The following CLVS1 variants were observed in gnomAD, a reference collection of about 807,000 sequenced individuals.
CLVS1 encodes the protein clavesin 1.
Under a neutral mutation model 33.1 loss-of-function variants are expected in CLVS1, and 10 were observed. That is an observed-to-expected ratio of 0.30 (90% CI 0.19 to 0.51). The LOEUF (loss-of-function observed/expected upper bound fraction) is 0.51, where lower values mean the gene tolerates loss of function less well. Among genes scored for constraint, CLVS1 ranks in the 20% least tolerant of loss-of-function variants. The probability of loss-of-function intolerance (pLI) is 0.97; values close to 1 mark genes in which losing one functional copy is unlikely to be tolerated. For missense variants in CLVS1, 343 were observed against 433.4 expected (o/e 0.79, Z 1.85); for synonymous variants, 163 against 166.1 (o/e 0.98, Z 0.14).
chr8:61,210,802 C>T (rs753053596), intron 2 of CLVS1, among the ~76,000 whole-genome samples: 4 of 152,144 alleles, frequency 2.6e-5, no homozygotes, highest in Non-Finnish European at 4.4e-5. Flanking sequence ...ACAGGTAACA[C>T]TAGGACTGGA....
intron 2 of CLVS1, among the ~76,000 whole-genome samples, chr8:61,310,181 T>C (rs187584693): frequency 1.3e-5 from 2 of 152,344 alleles, no homozygotes; most frequent in Admixed American, 1.3e-4. Context: ...TGAATCTTTC[T>C]GGTGATGATC....
intron 2 of CLVS1, among the ~76,000 whole-genome samples, chr8:61,330,109 A>T (rs80008501): frequency 6.6e-6 from 1 of 152,122 alleles, no homozygotes; most frequent in Non-Finnish European, 1.5e-5. Context: ...CCCTGCCCAG[A>T]TGATCCCAAT....
At chr8:61,496,038 A>C (rs76116426) in intron 5 of CLVS1, among the ~76,000 whole-genome samples, 2 of 152,176 alleles carry the variant, frequency 1.3e-5, no homozygotes, top group Non-Finnish European at 2.9e-5. Flanking sequence ...GCTGAGTTCA[A>C]TGTAAGGAAG....
chr8:61,061,201 T>G (rs772791170), intron 1 of CLVS1, among the ~76,000 whole-genome samples: 1 of 152,164 alleles, frequency 6.6e-6, no homozygotes, highest in Non-Finnish European at 1.5e-5. Context: ...TAGAACCCAG[T>G]TCCCGACTTT....
At chr8:61,309,788 G>A (rs551805611) in intron 2 of CLVS1, among the ~76,000 whole-genome samples, 1 of 152,362 alleles carries the variant, frequency 6.6e-6, no homozygotes, top group East Asian at 1.9e-4. Context: ...TGATTTGGCA[G>A]TGGGAGATGA....
At chr8:61,419,171 A>G (rs1231986721) in intron 3 of CLVS1, among the ~76,000 whole-genome samples, 1 of 152,052 alleles carries the variant, frequency 6.6e-6, no homozygotes, top group Non-Finnish European at 1.5e-5. Flanking sequence ...AGCCGAGGCG[A>G]ATGGATCATG....
At chr8:61,093,643 G>A (rs1457084748) in intron 1 of CLVS1, among the ~76,000 whole-genome samples, 2 of 152,164 alleles carry the variant, frequency 1.3e-5, no homozygotes, top group Non-Finnish European at 2.9e-5. Flanking sequence ...CTAGTGAAAA[G>A]GCTTGGTGAA....
At chr8:61,044,688 C>G in the CLVS1 span, among the ~76,000 whole-genome samples, 1 of 152,280 alleles carries the variant, frequency 6.6e-6, no homozygotes, top group South Asian at 2.1e-4. Flanking sequence ...ACTATAGCCC[C>G]TCTTGTGGTC....
chr8:61,082,049 C>T (rs1468610838), intron 1 of CLVS1, among the ~76,000 whole-genome samples: 1 of 151,982 alleles, frequency 6.6e-6, no homozygotes, highest in Non-Finnish European at 1.5e-5. Context: ...ACGGTAAGGG[C>T]TCTAATTGAA....
At chr8:61,111,251 CAT>C (rs770918786) in intron 1 of CLVS1, among the ~76,000 whole-genome samples, 32 of 152,026 alleles carry the variant, frequency 2.1e-4, no homozygotes, top group Non-Finnish European at 3.4e-4. Context: ...AATTCACAAA[CAT>C]AAAAAATCAA....
intron 3 of CLVS1, among the ~76,000 whole-genome samples, chr8:61,407,047 A>C (rs1815020678): frequency 6.6e-6 from 1 of 152,252 alleles, no homozygotes; most frequent in Non-Finnish European, 1.5e-5. Context: ...GATTTATCTT[A>C]GACACAGATC....
chr8:60,982,765 C>T, the CLVS1 span, among the ~76,000 whole-genome samples: 288 of 152,256 alleles, frequency 1.9e-3, 1 homozygote, highest in African/African-American at 6.5e-3. Flanking sequence ...ACCCAATAAC[C>T]AGTTACTACT....
At chr8:61,376,559 A>G in intron 2 of CLVS1, 46 bp from the exon 3 acceptor site, 2 of 1,580,952 alleles carry the variant, frequency 1.3e-6, no homozygotes, top group South Asian at 1.2e-5. Flanking sequence ...ACATGCTATC[A>G]CCTGCTCATA....
chr8:61,186,542 C>G (rs373176470), intron 2 of CLVS1, among the ~76,000 whole-genome samples: 1 of 152,138 alleles, frequency 6.6e-6, no homozygotes, highest in Admixed American at 6.6e-5. Context: ...CAGGGCCAAT[C>G]AAACTGCCTT....
chr8:61,239,897 G>A (rs898298871), intron 2 of CLVS1, among the ~76,000 whole-genome samples: 7 of 152,086 alleles, frequency 4.6e-5, no homozygotes, highest in Admixed American at 2.0e-4. Context: ...AATAAAGGCC[G>A]TGAGACTCAG....
At chr8:61,343,928 T>C (rs1236299459) in intron 2 of CLVS1, among the ~76,000 whole-genome samples, 2 of 152,174 alleles carry the variant, frequency 1.3e-5, no homozygotes, top group African/African-American at 2.4e-5. Context: ...AAAAATAAAA[T>C]CTATTTTCTG....
intron 3 of CLVS1, among the ~76,000 whole-genome samples, chr8:61,409,776 A>G (rs115406305): frequency 0.012 from 1,812 of 152,302 alleles, 39 homozygotes; most frequent in African/African-American, 0.041. Context: ...GAGAATGTCT[A>G]CTTACCCAAT....
chr8:61,300,762 A>G (rs1810399333), intron 2 of CLVS1: 1 of 153,514 alleles, frequency 6.5e-6, no homozygotes, highest in Non-Finnish European at 1.4e-5. Flanking sequence ...TGAAAGACCT[A>G]TAAGGGACCC....
chr8:61,044,448 G>A, the CLVS1 span, among the ~76,000 whole-genome samples: 2 of 151,958 alleles, frequency 1.3e-5, no homozygotes, highest in Non-Finnish European at 2.9e-5. Context: ...AAATGAAAGT[G>A]GCACATCCTG....
Sources: gnomAD v4.1 joint callset for allele counts (sites outside exome capture counted in the v4.1 genomes callset) on GRCh38, gnomAD v4.1.1 for gene constraint, MANE v1.5 for transcripts, NCBI Gene and HGNC (gene_info 2026-07-23, HGNC 2026-07-21) for gene names.